The following ACCSL variants were observed in gnomAD, a reference collection of about 807,000 sequenced individuals.
ACCSL encodes the protein probable inactive 1-aminocyclopropane-1-carboxylate synthase-like protein 2.
Under a neutral mutation model 61.7 loss-of-function variants are expected in ACCSL, and 55 were observed. The ratio of observed to expected loss-of-function variants is 0.89; its 90% confidence interval spans 0.72 to 1.12. ACCSL has a LOEUF of 1.12. Ranked by LOEUF, ACCSL falls within the 50% of genes most tolerant of loss-of-function variation. ACCSL has a pLI of 0.00. For synonymous variants in ACCSL, 258 were observed against 264.3 expected (o/e 0.98, Z 0.23); for missense variants, 632 against 698.0 (o/e 0.91, Z 1.07).
chr11:44,047,380 A>G (rs145291060), upstream of ACCSL, among the ~76,000 whole-genome samples: 2 of 152,350 alleles, frequency 1.3e-5, no homozygotes, highest in African/African-American at 4.8e-5. Context: ...ATGTTCTTCA[A>G]CAGGGCTTGG....
At chr11:43,930,401 G>A in the ACCSL span, among the ~76,000 whole-genome samples, 2 of 152,154 alleles carry the variant, frequency 1.3e-5, no homozygotes, top group Non-Finnish European at 2.9e-5. Context: ...GTGTTGGACC[G>A]GGCCTGGTGG....
chr11:43,923,602 G>C, the ACCSL span, among the ~76,000 whole-genome samples: 1 of 152,162 alleles, frequency 6.6e-6, no homozygotes, highest in Non-Finnish European at 1.5e-5. Flanking sequence ...CTGCATCTGG[G>C]TGTCAATAGG....
the ACCSL span, among the ~76,000 whole-genome samples, chr11:44,011,917 T>A: frequency 6.6e-6 from 1 of 152,212 alleles, no homozygotes; most frequent in Admixed American, 6.5e-5. Flanking sequence ...AGAGCCTTAT[T>A]TGAAGTATTT....
At chr11:43,943,818 T>G in the ACCSL span, 1 of 1,302,298 alleles carries the variant, frequency 7.7e-7, no homozygotes, top group Non-Finnish European at 1.0e-6. This position sits in a 1 kb window ranked among gnomAD's most constrained non-coding sequence, Gnocchi z 4.8. Flanking sequence ...AACGATCTTT[T>G]TACCTGGATA....
chr11:44,019,613 T>C, the ACCSL span, among the ~76,000 whole-genome samples: 14 of 152,356 alleles, frequency 9.2e-5, no homozygotes, highest in Admixed American at 8.5e-4. Flanking sequence ...TTGTTATTAC[T>C]GAACTGTAAG....
chr11:43,925,294 G>C, the ACCSL span: 1 of 449,202 alleles, frequency 2.2e-6, no homozygotes, highest in Non-Finnish European at 4.5e-6. Flanking sequence ...AAATGCTTAG[G>C]CCAGTGTTCT....
the ACCSL span, among the ~76,000 whole-genome samples, chr11:44,034,366 C>T: frequency 6.6e-6 from 1 of 152,188 alleles, no homozygotes; most frequent in African/African-American, 2.4e-5. Context: ...CTCCAGGAAA[C>T]CCCGATGAAG....
At chr11:43,940,705 C>A in the ACCSL span, among the ~76,000 whole-genome samples, 1 of 144,206 alleles carries the variant, frequency 6.9e-6, no homozygotes, top group Non-Finnish European at 1.5e-5. Flanking sequence ...AAGTGATTGT[C>A]CCCCCTTCCC....
At chr11:43,970,264 A>G in the ACCSL span, among the ~76,000 whole-genome samples, 2 of 152,134 alleles carry the variant, frequency 1.3e-5, no homozygotes, top group African/African-American at 4.8e-5. Flanking sequence ...GGAGTGCAGT[A>G]GTATGATCAG....
the ACCSL span, among the ~76,000 whole-genome samples, chr11:43,929,579 G>C: frequency 6.6e-6 from 1 of 152,008 alleles, no homozygotes; most frequent in Non-Finnish European, 1.5e-5. Context: ...GCTCATTTTT[G>C]TATTTTTAGT....
chr11:44,057,903 TG>T (rs1301547179), intron 11 of ACCSL, among the ~76,000 whole-genome samples: 1 of 152,230 alleles, frequency 6.6e-6, no homozygotes, highest in Non-Finnish European at 1.5e-5. Flanking sequence ...CAGGGTGCAG[TG>T]GCTAACACCT....
the ACCSL span, among the ~76,000 whole-genome samples, chr11:43,963,525 G>A: frequency 6.6e-6 from 1 of 152,294 alleles, no homozygotes; most frequent in South Asian, 2.1e-4. Context: ...GGCCCCAGAG[G>A]ATGTTAAAAC....
the ACCSL span, among the ~76,000 whole-genome samples, chr11:44,012,988 C>A: frequency 6.6e-6 from 1 of 152,136 alleles, no homozygotes; most frequent in Non-Finnish European, 1.5e-5. Flanking sequence ...GGGTGAGAAA[C>A]CCTGGGCTAG....
the ACCSL span, chr11:43,943,015 G>C: frequency 3.3e-6 from 5 of 1,507,446 alleles, no homozygotes; most frequent in African/African-American, 7.2e-5. The surrounding 1 kb of genome is among the most constrained non-coding windows in gnomAD (Gnocchi z 4.8). Context: ...GGCCCGCCAA[G>C]CTGCCCAAGG....
At position 44,055,223 on chromosome 11, in the gene ACCSL, A is replaced by T; in HGVS notation, c.1071A>T (p.Ile357=). ...ACAGGTATAACCTACATGTGATCAT[A>T]GATGAGATTTACATGCTGTCTGTGT... ...FAKRYNLHVI[I]DEIYMLSVFD... The change falls in exon 9 of 14, where the codon ATA becomes ATT. Residue 357 remains isoleucine (I), a synonymous_variant. Transcript: ENST00000378832. 6.2e-7 allele frequency: 1 copy of T among 1,611,830 alleles called. No individual in the cohort carries two copies. Among genetic ancestry groups the T allele is most frequent in the Non-Finnish European group, 8.5e-7 (1 of 1,178,192 alleles).
the ACCSL span, among the ~76,000 whole-genome samples, chr11:44,006,481 G>A: frequency 1.3e-5 from 2 of 149,058 alleles, no homozygotes; most frequent in East Asian, 2.0e-4. Flanking sequence ...GAATAATGAT[G>A]CTACTCACCT....
the ACCSL span, among the ~76,000 whole-genome samples, chr11:43,922,992 C>G: frequency 1.3e-5 from 2 of 152,330 alleles, no homozygotes; most frequent in East Asian, 1.9e-4. Context: ...CCCACTAGCT[C>G]GGGTGGCATT....
rs377391851 is a variant in ACCSL, at chr11:44,056,054, A to G, written c.1154A>G (p.Asn385Ser). 5 of 1,614,130 alleles carry G rather than the reference A, an allele frequency of 3.1e-6. No individual in the cohort carries two copies. The African/African-American group carries it at 4.0e-5, about 13-fold the overall frequency. ...ILSMKSLPDS[N>S]RTHVIWGTSK... Reference sequence around the variant, plus strand: ...TTCTTCTTCAGTTTGCCTGATAGCAACAGGACCCATGTGATCTGGGGTACC... The same window carrying G: ...TTCTTCTTCAGTTTGCCTGATAGCAGCAGGACCCATGTGATCTGGGGTACC... Residue 385 changes from asparagine to serine, a missense_variant, in exon 10 of 14, where the codon AAC (asparagine) becomes AGC (serine). Transcript: ENST00000378832.
At chr11:43,955,656 A>G in the ACCSL span, among the ~76,000 whole-genome samples, 3 of 152,236 alleles carry the variant, frequency 2.0e-5, no homozygotes, top group East Asian at 3.9e-4. Flanking sequence ...GGGTGGAGCT[A>G]CTGGTCATCA....
Sources: gnomAD v4.1 joint callset for allele counts (sites outside exome capture counted in the v4.1 genomes callset) on GRCh38, gnomAD v4.1.1 for gene constraint, Gnocchi (gnomAD v3.1) non-coding constraint, MANE v1.5 for transcripts, NCBI Gene and HGNC (gene_info 2026-07-23, HGNC 2026-07-21) for gene names.